RP1L1: variants seen among roughly 807,000 people sequenced by gnomAD.
The protein encoded by RP1L1 is RP1 like 1.
In RP1L1, 27 loss-of-function variants were observed where a neutral mutation model predicts 15.7. That is an observed-to-expected ratio of 1.72 (90% CI 1.27 to 2.38). The LOEUF (loss-of-function observed/expected upper bound fraction) is 2.38. Among genes scored for constraint, RP1L1 ranks in the 30% most tolerant of loss-of-function variants. The pLI is 0.00. For synonymous variants in RP1L1, 1,813 were observed against 1,276.7 expected (o/e 1.42, Z -8.96); for missense variants, 4,798 against 3,075.9 (o/e 1.56, Z -13.24).
intron 1 of RP1L1, among the ~76,000 whole-genome samples, chr8:10,643,129 G>A (rs1798430794): frequency 6.6e-6 from 1 of 152,138 alleles, no homozygotes; most frequent in Non-Finnish European, 1.5e-5. Flanking sequence ...TTGATCCCAG[G>A]AGTTCAAGAC....
At chr8:10,629,600 A>C (rs1220160386) in intron 1 of RP1L1, among the ~76,000 whole-genome samples, 1 of 152,184 alleles carries the variant, frequency 6.6e-6, no homozygotes, top group Non-Finnish European at 1.5e-5. Flanking sequence ...AATGCAATCA[A>C]CAATTGCATT....
At chr8:10,618,109 CATT>C (rs1798000019) in intron 2 of RP1L1, among the ~76,000 whole-genome samples, 2 of 152,328 alleles carry the variant, frequency 1.3e-5, no homozygotes, top group Middle Eastern at 3.4e-3. Flanking sequence ...ATTTTCCAAG[CATT>C]GATGTTGGCT....
At chr8:10,613,657 G>T (rs1353581445) in intron 3 of RP1L1, among the ~76,000 whole-genome samples, 1 of 149,376 alleles carries the variant, frequency 6.7e-6, no homozygotes, top group South Asian at 2.1e-4. Context: ...ATGGTAGTAT[G>T]CCCCTACAGT....
intron 2 of RP1L1, among the ~76,000 whole-genome samples, chr8:10,617,546 C>CTTTTTTTTTTTTTTTTTTTTTTTTTTTTT (rs777209714): frequency 1.6e-5 from 1 of 63,388 alleles, no homozygotes; most frequent in Admixed American, 2.6e-4. Context: ...GTTTCTTTTT[C>CTTTTTTTTTTTTTTTTTTTTTTTTTTTTT]TTTTTTTTTT....
rs771358254 is a variant in RP1L1, at chr8:10,623,131, G to C, written c.71C>G (p.Thr24Ser). ...TGGCGTGACCTTGGTGACCGAGGGG[G>C]TGCGAGCCACAGAGGGCAGGAAGCA... Reference protein sequence around the residue: ...RECFLPSVARTPSVTKVTPAK... With the variant: ...RECFLPSVARSPSVTKVTPAK... Residue 24 changes from threonine to serine, a missense_variant, in exon 2 of 4, where the codon ACC (threonine) becomes AGC (serine). By Grantham distance (58) the Thr-to-Ser change is moderately conservative (BLOSUM62 1). Coordinates refer to ENST00000382483, the MANE Select transcript of RP1L1 (RefSeq NM_178857.6). 4 of 1,609,740 alleles carry C rather than the reference G, an allele frequency of 2.5e-6. No individual in the cohort carries two copies. Among genetic ancestry groups the C allele is most frequent in the Non-Finnish European group, 3.4e-6 (4 of 1,177,746 alleles).
In RP1L1 at chr8:10,609,094, G is replaced by T. The variant is rs943989484; in HGVS notation, c.5004C>A (p.Ser1668Arg). ...PCEACVRKKV[S>R]PMSPKATMGA... ...CCATTGTGGCCTTGGGGGACATAGG[G>T]CTCACTTTCTTCCTCACGCAGGCCT... Residue 1668 changes from serine (S) to arginine (R), a missense_variant, in exon 4 of 4, where the codon AGC becomes AGA. Coordinates refer to ENST00000382483, the MANE Select transcript of RP1L1 (RefSeq NM_178857.6). The T allele has an allele frequency of 6.2e-7, 1 of 1,613,498 alleles. No individual in the cohort carries two copies. The highest frequency in any genetic ancestry group is 1.3e-5 in the African/African-American group (1 of 74,908).
Position 10,622,704 on chromosome 8 carries a change from C to T in RP1L1, c.498G>A (p.Gln166=), listed in dbSNP as rs1554454548. 4.3e-6 allele frequency: 7 copies of T among 1,614,186 alleles called. No homozygotes were observed. The African/African-American group carries it at 6.7e-5, about 15-fold the overall frequency. Residue 166 remains glutamine (Q), a synonymous_variant, in exon 2 of 4, where the codon CAG becomes CAA. Transcript: ENST00000382483. ...LIKNMDPRLQ[Q]TVVLSHRNTR... ...TATTCCTGTGACTGAGAACCACTGT[C>T]TGCTGGAGGCGAGGGTCCATGTTCT...
chr8:10,634,140 AT>A (rs1193759649), intron 1 of RP1L1, among the ~76,000 whole-genome samples: 3 of 152,272 alleles, frequency 2.0e-5, no homozygotes, highest in Admixed American at 2.0e-4. Flanking sequence ...GGAGCATAAC[AT>A]GGTACAGTTA....
At chr8:10,645,244 C>G (rs1224769901) in intron 1 of RP1L1, among the ~76,000 whole-genome samples, 4 of 152,220 alleles carry the variant, frequency 2.6e-5, no homozygotes, top group Non-Finnish European at 4.4e-5. Context: ...GGAGGATCGC[C>G]TGAACCCAGA....
intron 2 of RP1L1, among the ~76,000 whole-genome samples, chr8:10,620,324 G>C (rs918532916): frequency 6.6e-6 from 1 of 152,150 alleles, no homozygotes; most frequent in Non-Finnish European, 1.5e-5. Context: ...CACAACAGTG[G>C]GCTGGGTGCG....
At chr8:10,621,320 T>C (rs1042713136) in intron 2 of RP1L1, 1 of 163,512 alleles carries the variant, frequency 6.1e-6, no homozygotes, top group African/African-American at 2.4e-5. Context: ...GTTTTTGTAA[T>C]GATGTTATCA....
chr8:10,611,454 G>C lies in RP1L1; in HGVS notation c.2644C>G (p.Arg882Gly), dbSNP rs148936402. Residue 882 changes from arginine (R) to glycine (G), a missense_variant, in exon 4 of 4, where the codon CGG (arginine) becomes GGG (glycine). Arg to Gly is a moderately radical substitution (Grantham distance 125). Transcript: ENST00000382483. ...TCCTGCGGGCTCCCACCTGGCCCCC[G>C]GGCAGTGCTTTGGTGGCTGCTGCCG... ...STGSSHQSTA[R>G]GPGGSPQEGT... is the part of the protein sequence containing the mutation. 2 of 1,571,164 alleles carry C rather than the reference G, an allele frequency of 1.3e-6. No individual in the cohort carries two copies. Among genetic ancestry groups the C allele is most frequent in the South Asian group, 2.3e-5 (2 of 87,182 alleles).
chr8:10,611,841 A>G lies in RP1L1; in HGVS notation c.2257T>C (p.Ser753Pro), dbSNP rs542094183. The G allele has an allele frequency of 2.3e-4, 373 of 1,613,716 alleles. 10 individuals carry two copies. The South Asian group carries it at 3.9e-3, about 17-fold the overall frequency. ...CCGGCAGAGGGAGCGTTGTGCGGGG[A>G]GACTCCAGAAACAAAATCCGAGTGG... is the stretch of plus-strand genomic sequence containing the variant. The part of the protein sequence containing the change: ...AVHSDFVSGV[S>P]PHNAPSAGWA... Residue 753 changes from serine (S) to proline (P), a missense_variant, in exon 4 of 4, where the codon TCC (serine) becomes CCC (proline). Ser to Pro is a moderately conservative substitution (Grantham distance 74). Coordinates refer to ENST00000382483, the MANE Select transcript of RP1L1 (RefSeq NM_178857.6).
At chr8:10,616,896 C>T (rs1335343040) in intron 2 of RP1L1, among the ~76,000 whole-genome samples, 1 of 152,180 alleles carries the variant, frequency 6.6e-6, no homozygotes, top group Non-Finnish European at 1.5e-5. Context: ...CGCATTTCTG[C>T]CCACATGTCC....
At chr8:10,652,332 A>G (rs543731703) in intron 1 of RP1L1, among the ~76,000 whole-genome samples, 1 of 151,540 alleles carries the variant, frequency 6.6e-6, no homozygotes, top group Non-Finnish European at 1.5e-5. Flanking sequence ...GCTAACAGTA[A>G]GGCTGACAAT....
At chr8:10,624,002 G>T (rs1015477095) in intron 1 of RP1L1, among the ~76,000 whole-genome samples, 48 of 152,196 alleles carry the variant, frequency 3.2e-4, no homozygotes, top group Non-Finnish European at 2.4e-4. Flanking sequence ...GCATCACCAT[G>T]TCCCCAGCAC....
intron 1 of RP1L1, among the ~76,000 whole-genome samples, chr8:10,631,161 G>A (rs1265994550): frequency 6.6e-6 from 1 of 151,896 alleles, no homozygotes; most frequent in Non-Finnish European, 1.5e-5. Flanking sequence ...TATTTTAGAC[G>A]GCCCAGGCGA....
In RP1L1 at chr8:10,613,239, G is replaced by C. The variant is rs374360526; in HGVS notation, c.859C>G (p.Pro287Ala). Residue 287 changes from proline to alanine, a missense_variant, in exon 4 of 4, where the codon CCT becomes GCT. Coordinates refer to ENST00000382483, the MANE Select transcript of RP1L1 (RefSeq NM_178857.6). ...TCCTGAGGGTGCCTGCCAGGAGCAG[G>C]GCCCACCGGGGGGTTGCTAGGACCA... Reference protein sequence around the residue: ...RPGPSNPPVGPAPGRHPQDTP... With the variant: ...RPGPSNPPVGAAPGRHPQDTP... 1 of 1,612,602 alleles carries C rather than the reference G, an allele frequency of 6.2e-7. No individual in the cohort carries two copies. Among genetic ancestry groups the C allele is most frequent in the Non-Finnish European group, 8.5e-7 (1 of 1,180,026 alleles).
chr8:10,607,853 G>C lies in RP1L1; in HGVS notation c.6245C>G (p.Ser2082Ter). ...QEAEGEAHPE[S>*]EDVDAQEAEG... ...TGCCTCCTGGGCATCTACATCTTCTGACTCTGGGTGGGCCTCCCCTTCTGC... is the reference window on the plus strand; with the variant it reads ...TGCCTCCTGGGCATCTACATCTTCTCACTCTGGGTGGGCCTCCCCTTCTGC... Residue 2082 changes from serine (S) to a stop codon, truncating the protein, a stop_gained, in exon 4 of 4, where the codon TCA becomes TGA. Coordinates refer to ENST00000382483, the MANE Select transcript of RP1L1 (RefSeq NM_178857.6). LOFTEE classifies it low-confidence loss of function (END_TRUNC). The C allele has an allele frequency of 6.3e-7, 1 of 1,575,162 alleles. No homozygotes were observed. Among genetic ancestry groups the C allele is most frequent in the Non-Finnish European group, 8.6e-7 (1 of 1,160,404 alleles).
Sources: gnomAD v4.1 joint callset for allele counts (sites outside exome capture counted in the v4.1 genomes callset) on GRCh38, gnomAD v4.1.1 for gene constraint, MANE v1.5 for transcripts, NCBI Gene and HGNC (gene_info 2026-07-23, HGNC 2026-07-21) for gene names.